The following PDZD2 variants were observed in gnomAD, a reference collection of about 807,000 sequenced individuals.
The protein encoded by PDZD2 is PDZ domain-containing protein 2.
A neutral mutation model predicts 220.7 loss-of-function variants in PDZD2; 90 were observed. The ratio of observed to expected loss-of-function variants is 0.41; its 90% CI spans 0.34 to 0.49. The LOEUF is 0.49. Among genes scored for constraint, PDZD2 ranks in the 20% least tolerant of loss-of-function variants. The pLI is 0.28. For synonymous variants in PDZD2, 1,375 were observed against 1,450.5 expected (o/e 0.95, Z 1.18); for missense variants, 3,174 against 3,608.5 (o/e 0.88, Z 3.08).
intron 2 of PDZD2, chr5:31,854,964 G>A (rs887565415): frequency 1.0e-6 from 1 of 985,386 alleles, no homozygotes; most frequent in African/African-American, 1.7e-5. Flanking sequence ...CAGCCTTCGG[G>A]AAGTCCTGCA....
chr5:31,656,114 G>T (rs1745539410), intron 1 of PDZD2, among the ~76,000 whole-genome samples: 1 of 152,148 alleles, frequency 6.6e-6, no homozygotes, highest in African/African-American at 2.4e-5. Context: ...TCCGACTTTT[G>T]TCTCTACGTT....
intron 2 of PDZD2, among the ~76,000 whole-genome samples, chr5:31,916,004 C>A (rs1419798380): frequency 1.3e-5 from 2 of 152,044 alleles, no homozygotes; most frequent in African/African-American, 4.8e-5. Flanking sequence ...TGGATAGGGG[C>A]CCCATATGTG....
chr5:31,744,532 T>C lies in PDZD2; in HGVS notation c.-360-54357T>C, dbSNP rs935594029. 2.0e-5 allele frequency: 3 copies of C among 152,150 alleles called. No homozygotes were observed. The East Asian group carries it at 5.8e-4, about 29-fold the overall frequency. The allele number at this position is 152,150 out of a possible 1,614,324, so 9.4% of individuals were successfully genotyped here. A position where few individuals can be genotyped will look rare whatever the true frequency, so the allele number is the denominator to read the frequency against. ...GATATCATTTGAAAGAATTATATAA[T>C]CTTTTTTGACATGTATTCTCCAATA... On this transcript the variant is annotated intron_variant, in intron 1 of 24. Coordinates refer to ENST00000438447, the MANE Select transcript of PDZD2 (RefSeq NM_178140.4).
At chr5:31,652,571 T>C (rs1199005472) in intron 1 of PDZD2, among the ~76,000 whole-genome samples, 1 of 152,208 alleles carries the variant, frequency 6.6e-6, no homozygotes, top group Non-Finnish European at 1.5e-5. Flanking sequence ...ATTTAGCACA[T>C]GCCACATAGA....
At chr5:31,859,908 G>C (rs1217198543) in intron 2 of PDZD2, among the ~76,000 whole-genome samples, 1 of 152,128 alleles carries the variant, frequency 6.6e-6, no homozygotes, top group African/African-American at 2.4e-5. Context: ...TGGGGCCCCG[G>C]GTAGTTGCCA....
At chr5:31,730,575 TGTGTGTGTGTGTGTGTG>T (rs1263209478) in intron 1 of PDZD2, among the ~76,000 whole-genome samples, 1,483 of 116,468 alleles carry the variant, frequency 0.013, 21 homozygotes, top group African/African-American at 0.043. Context: ...TGTGTGTGTG[TGTGTGTGTGTGTGTGTG>T]GTGTGTGTGT....
intron 2 of PDZD2, among the ~76,000 whole-genome samples, chr5:31,904,170 G>A (rs1161295823): frequency 1.3e-5 from 2 of 151,754 alleles, no homozygotes; most frequent in Non-Finnish European, 2.9e-5. Context: ...TCAACATTAA[G>A]TTATGCCACT....
chr5:31,782,093 G>A (rs1178951370), intron 1 of PDZD2, among the ~76,000 whole-genome samples: 1 of 152,184 alleles, frequency 6.6e-6, no homozygotes, highest in Non-Finnish European at 1.5e-5. Flanking sequence ...GTTGAGGCAG[G>A]GTAGGGGTGC....
chr5:32,074,297 A>C lies in PDZD2; in HGVS notation c.3191A>C (p.Glu1064Ala), dbSNP rs1741059511. ...SYAANLTDSAEAPKGSPGSWW... is the reference protein window; with the variant it reads ...SYAANLTDSAAAPKGSPGSWW... ...GCAGCCAACCTCACGGACTCTGCAG[A>C]GGCCCCCAAGGGGAGCCCTGGAAGC... is the stretch of plus-strand genomic sequence containing the variant. The change falls in exon 18 of 25, where the codon GAG becomes GCG. Residue 1064 changes from glutamate (E) to alanine (A), a missense_variant. Around this residue, in one of 4 missense-constraint regions of PDZD2, gnomAD observed 1,861 missense variants for 2,001.0 expected, o/e 0.93. Coordinates refer to ENST00000438447, the MANE Select transcript of PDZD2 (RefSeq NM_178140.4). 3 of 1,614,048 alleles carry C rather than the reference A, an allele frequency of 1.9e-6. No individual in the cohort carries two copies. The East Asian group carries it at 6.7e-5, about 36-fold the overall frequency.
chr5:31,968,253 G>A (rs1453454668), intron 2 of PDZD2, among the ~76,000 whole-genome samples: 1 of 152,210 alleles, frequency 6.6e-6, no homozygotes, highest in Non-Finnish European at 1.5e-5. Flanking sequence ...ATCTACTCGG[G>A]TGGTTGAGGT....
chr5:31,863,301 A>C (rs1049513293), intron 2 of PDZD2, among the ~76,000 whole-genome samples: 1 of 152,184 alleles, frequency 6.6e-6, no homozygotes, highest in African/African-American at 2.4e-5. Flanking sequence ...AACTCAGCAC[A>C]AAAGTAGATG....
At chr5:31,923,116 A>G (rs1159315863) in intron 2 of PDZD2, among the ~76,000 whole-genome samples, 6 of 151,848 alleles carry the variant, frequency 4.0e-5, no homozygotes, top group African/African-American at 1.4e-4. Context: ...AACATGGTGA[A>G]ACCCCCGTCT....
intron 1 of PDZD2, among the ~76,000 whole-genome samples, chr5:31,782,651 C>G (rs1006394104): frequency 6.7e-6 from 1 of 148,572 alleles, no homozygotes; most frequent in African/African-American, 2.5e-5. Flanking sequence ...TCTAGCGTAT[C>G]TTTAAGAAGC....
intron 6 of PDZD2, among the ~76,000 whole-genome samples, chr5:32,014,506 G>C (rs577593217): frequency 6.6e-6 from 1 of 151,960 alleles, no homozygotes; most frequent in African/African-American, 2.4e-5. Context: ...ATCTCAGTGG[G>C]GTCTGGCTTC....
chr5:31,737,228 A>G (rs925687121), intron 1 of PDZD2, among the ~76,000 whole-genome samples: 3 of 125,512 alleles, frequency 2.4e-5, no homozygotes, highest in African/African-American at 3.2e-5. Context: ...GCTGGAGTGC[A>G]GTGGCGCCAT....
intron 19 of PDZD2, among the ~76,000 whole-genome samples, chr5:32,078,982 G>A (rs561616362): frequency 2.8e-4 from 43 of 152,070 alleles, no homozygotes; most frequent in African/African-American, 9.4e-4. Context: ...CTGGTGGGGC[G>A]CGGTGGCTCA....
At chr5:31,787,148 C>G (rs13171448) in intron 1 of PDZD2, among the ~76,000 whole-genome samples, 25,946 of 152,228 alleles carry the variant, frequency 0.17, 2,790 homozygotes, top group Middle Eastern at 0.23. Flanking sequence ...GACCTCATGG[C>G]TCTCTTGCTG....
At chr5:31,736,357 A>G (rs1749863480) in intron 1 of PDZD2, among the ~76,000 whole-genome samples, 1 of 152,176 alleles carries the variant, frequency 6.6e-6, no homozygotes, top group African/African-American at 2.4e-5. Flanking sequence ...GCCACTCAAT[A>G]AGGACCTGTT....
chr5:31,936,451 C>A, intron 2 of PDZD2: 1 of 530,732 alleles, frequency 1.9e-6, no homozygotes, highest in Non-Finnish European at 2.4e-6. Flanking sequence ...GAGAGATGAG[C>A]AGGTAATAAT....
Sources: gnomAD v4.1 joint callset for allele counts (sites outside exome capture counted in the v4.1 genomes callset) on GRCh38, gnomAD v4.1.1 for gene constraint, gnomAD v4.1.1 regional missense constraint, MANE v1.5 for transcripts, NCBI Gene and HGNC (gene_info 2026-07-23, HGNC 2026-07-21) for gene names.